The following ANKFN1 variants were observed in gnomAD, a reference collection of about 807,000 sequenced individuals.
The protein encoded by ANKFN1 is ankyrin repeat and fibronectin type-III domain-containing protein 1.
Under a neutral mutation model 108.7 loss-of-function variants are expected in ANKFN1, and 74 were observed. The ratio of observed to expected loss-of-function variants is 0.68; its 90% CI spans 0.56 to 0.83. The LOEUF is 0.83. Among genes scored for constraint, ANKFN1 ranks in the 40% least tolerant of loss-of-function variants. The pLI is 0.00. For missense variants in ANKFN1, 1,505 were observed against 1,382.3 expected (o/e 1.09, Z -1.41); for synonymous variants, 547 against 516.2 (o/e 1.06, Z -0.81).
intron 4 of ANKFN1, among the ~76,000 whole-genome samples, chr17:56,128,772 G>A (rs1907092103): frequency 6.6e-6 from 1 of 152,100 alleles, no homozygotes; most frequent in South Asian, 2.1e-4. Context: ...AACCCTTTTA[G>A]CTAACATCTA....
chr17:56,088,604 C>T (rs1184453765), intron 4 of ANKFN1, among the ~76,000 whole-genome samples: 1 of 150,994 alleles, frequency 6.6e-6, no homozygotes, highest in East Asian at 1.9e-4. Context: ...AGCCTCCACT[C>T]TCATCTCCTC....
intron 9 of ANKFN1, 28 bp from the exon 10 acceptor site, chr17:56,442,815 C>T (rs764957072): frequency 1.9e-6 from 3 of 1,595,418 alleles, no homozygotes; most frequent in Admixed American, 1.7e-5. Context: ...AAATAAAATG[C>T]CTGATGCATC....
chr17:56,373,592 CTGCTG>C (rs1195447772), intron 7 of ANKFN1, among the ~76,000 whole-genome samples: 3 of 152,212 alleles, frequency 2.0e-5, no homozygotes, highest in African/African-American at 7.2e-5. Flanking sequence ...GTCTCTGCCT[CTGCTG>C]CAGGAAACTT....
At chr17:56,316,871 C>G (rs1163291369) in intron 3 of ANKFN1, among the ~76,000 whole-genome samples, 1 of 152,184 alleles carries the variant, frequency 6.6e-6, no homozygotes, top group Non-Finnish European at 1.5e-5. Context: ...CTAATAGAAA[C>G]ATCTTGTTGG....
chr17:56,263,401 A>G (rs747194264), intron 3 of ANKFN1, among the ~76,000 whole-genome samples: 2 of 152,258 alleles, frequency 1.3e-5, no homozygotes, highest in African/African-American at 4.8e-5. Context: ...TATGTACAAT[A>G]TACAAACATT....
intron 3 of ANKFN1, among the ~76,000 whole-genome samples, chr17:56,323,946 G>A (rs992850097): frequency 6.6e-6 from 1 of 152,162 alleles, no homozygotes; most frequent in African/African-American, 2.4e-5. Flanking sequence ...AGACCACAGA[G>A]CAGGGACCCT....
intron 18 of ANKFN1, among the ~76,000 whole-genome samples, chr17:56,488,928 T>G (rs1339380466): frequency 1.3e-5 from 2 of 152,234 alleles, no homozygotes; most frequent in East Asian, 3.8e-4. Context: ...ACATTTATTT[T>G]GTATCAGGTA....
intron 3 of ANKFN1, among the ~76,000 whole-genome samples, chr17:56,269,672 C>T (rs1462759906): frequency 2.0e-5 from 3 of 152,168 alleles, no homozygotes; most frequent in African/African-American, 7.2e-5. Flanking sequence ...AATTTTAACC[C>T]GCAGCATAAC....
intron 11 of ANKFN1, 50 bp from the exon 12 acceptor site, chr17:56,456,811 G>A (rs2049720519): frequency 6.7e-7 from 1 of 1,487,296 alleles, no homozygotes; most frequent in Admixed American, 1.7e-5. Flanking sequence ...AATTGGGGGT[G>A]TTGATCTGCC....
intron 2 of ANKFN1, among the ~76,000 whole-genome samples, chr17:56,218,979 A>G (rs1234387658): frequency 1.3e-5 from 2 of 152,172 alleles, no homozygotes; most frequent in African/African-American, 4.8e-5. Context: ...GCATAGGTCT[A>G]TTACAGTACT....
At chr17:56,474,457 C>A (rs1443582166) in intron 15 of ANKFN1, among the ~76,000 whole-genome samples, 1 of 152,180 alleles carries the variant, frequency 6.6e-6, no homozygotes, top group Non-Finnish European at 1.5e-5. Flanking sequence ...TGGATGACTG[C>A]AAATTGATTG....
At chr17:56,373,641 T>C (rs1466959321) in intron 7 of ANKFN1, among the ~76,000 whole-genome samples, 1 of 152,232 alleles carries the variant, frequency 6.6e-6, no homozygotes, top group African/African-American at 2.4e-5. Context: ...AAGACAGTGA[T>C]GATGTTTTCT....
intron 4 of ANKFN1, among the ~76,000 whole-genome samples, chr17:56,113,172 G>A (rs1906071501): frequency 6.6e-6 from 1 of 152,102 alleles, no homozygotes; most frequent in Non-Finnish European, 1.5e-5. Context: ...TTTCATTTTT[G>A]CCAACCTGGT....
intron 14 of ANKFN1, among the ~76,000 whole-genome samples, chr17:56,460,248 G>A (rs1251369343): frequency 1.3e-5 from 2 of 152,092 alleles, no homozygotes; most frequent in Non-Finnish European, 2.9e-5. Context: ...GAGCTTAGGA[G>A]TTTCAGACCA....
intron 4 of ANKFN1, among the ~76,000 whole-genome samples, chr17:56,083,888 T>G (rs1380221736): frequency 6.6e-6 from 1 of 151,418 alleles, no homozygotes; most frequent in African/African-American, 2.4e-5. Context: ...GTAAATGACA[T>G]GCTTAGCTGA....
intron 3 of ANKFN1, among the ~76,000 whole-genome samples, chr17:56,284,170 G>A (rs1266708139): frequency 6.6e-6 from 1 of 152,158 alleles, no homozygotes; most frequent in African/African-American, 2.4e-5. Flanking sequence ...TGAGAGAAGA[G>A]ATTGATTTTC....
intron 4 of ANKFN1, among the ~76,000 whole-genome samples, chr17:56,127,596 G>GA (rs1254993003): frequency 3.9e-5 from 6 of 152,086 alleles, no homozygotes; most frequent in African/African-American, 1.4e-4. Flanking sequence ...TTGCAGGTGT[G>GA]AGCCACCGCA....
chr17:56,227,158 T>C (rs1476754921), intron 2 of ANKFN1, among the ~76,000 whole-genome samples: 1 of 152,134 alleles, frequency 6.6e-6, no homozygotes, highest in Non-Finnish European at 1.5e-5. Flanking sequence ...GGGACTTTCC[T>C]GCCATTTCCT....
intron 4 of ANKFN1, among the ~76,000 whole-genome samples, chr17:56,104,690 G>T (rs1905709105): frequency 1.3e-5 from 2 of 152,190 alleles, no homozygotes; most frequent in Admixed American, 1.3e-4. Flanking sequence ...TAGCAGTGCT[G>T]TCCTGTCCAC....
Sources: gnomAD v4.1 joint callset for allele counts (sites outside exome capture counted in the v4.1 genomes callset) on GRCh38, gnomAD v4.1.1 for gene constraint, MANE v1.5 for transcripts, NCBI Gene and HGNC (gene_info 2026-07-23, HGNC 2026-07-21) for gene names.